VAT1: variants seen among roughly 807,000 people sequenced by gnomAD.
The protein encoded by VAT1 is NADPH-dependent quinone oxidoreductase VAT1.
A neutral mutation model predicts 33.3 loss-of-function variants in VAT1; 24 were observed. That is an observed-to-expected ratio of 0.72 (90% CI 0.52 to 1.01). The LOEUF (loss-of-function observed/expected upper bound fraction) is 1.01. Among genes scored for constraint, VAT1 ranks in the 50% least tolerant of loss-of-function variants. VAT1 has a pLI of 0.00. For missense variants in VAT1, 436 were observed against 533.7 expected, an observed-to-expected ratio of 0.82 and a Z score of 1.80; for synonymous variants, 212 against 225.0, an observed-to-expected ratio of 0.94 and a Z score of 0.52.
rs1474111617 is a variant in VAT1, at chr17:43,018,536, G to C, written c.595+56C>G. On this transcript the variant is annotated intron_variant, in intron 2 of 5. Coordinates refer to ENST00000355653, the MANE Select transcript of VAT1 (RefSeq NM_006373.4). ...CAACCCAGACAGGCTGCAGGGAAGG[G>C]GCCTGGAAGGAAATCTGGGTGGGGT... 3.8e-6 allele frequency: 6 copies of C among 1,586,706 alleles called. No homozygotes were observed. The Admixed American group carries it at 5.1e-5, about 14-fold the overall frequency.
Position 43,017,826 on chromosome 17 carries a change from G to C in VAT1, c.856+15C>G, listed in dbSNP as rs745857863. ...GCCCTCACATGCTCTCTCCATCCCTGGCCCACTAACTCACCATAGGTGACG... is the reference window on the plus strand; with the variant it reads ...GCCCTCACATGCTCTCTCCATCCCTCGCCCACTAACTCACCATAGGTGACG... On this transcript the variant is annotated intron_variant, in intron 4 of 5. Transcript: ENST00000355653. 1 of 1,613,204 alleles carries C rather than the reference G, an allele frequency of 6.2e-7. No individual in the cohort carries two copies. Among genetic ancestry groups the C allele is most frequent in the South Asian group, 1.1e-5 (1 of 91,070 alleles).
rs113882929 is a variant in VAT1, at chr17:43,017,786, T to C, written c.856+55A>G. On this transcript the variant is annotated intron_variant, in intron 4 of 5. Coordinates refer to ENST00000355653, the MANE Select transcript of VAT1 (RefSeq NM_006373.4). ...GCCCTGGCCTCTATATCCCACCCCTTAGACCCTCCCTCCTGCCCTCACATG... is the reference window on the plus strand; with the variant it reads ...GCCCTGGCCTCTATATCCCACCCCTCAGACCCTCCCTCCTGCCCTCACATG... The C allele has an allele frequency of 6.6e-4, 1,029 of 1,561,656 alleles. 12 individuals carry two copies. In the African/African-American group the frequency reaches 0.012, roughly 18 times the overall value.
intron 4 of VAT1, 129 bp downstream of exon 4, chr17:43,017,712 C>T (rs1284343698): frequency 1.3e-6 from 1 of 756,864 alleles, no homozygotes; most frequent in South Asian, 1.7e-5. Flanking sequence ...CATTCCTAAC[C>T]CTGATCGTCT....
At chr17:43,019,417 A>C (rs1347125231) in intron 1 of VAT1, 1 of 152,726 alleles carries the variant, frequency 6.5e-6, no homozygotes, top group Non-Finnish European at 1.5e-5. Context: ...AAGTCACACA[A>C]CCAAAAGAAG....
At chr17:43,020,385 T>C in intron 1 of VAT1, 1 of 724,682 alleles carries the variant, frequency 1.4e-6, no homozygotes. Flanking sequence ...CCGAAAATAT[T>C]CCTCTTAGAC....
intron 2 of VAT1, 71 bp from the exon 3 acceptor site, chr17:43,018,277 C>T (rs899736311): frequency 6.6e-7 from 1 of 1,520,982 alleles, no homozygotes; most frequent in Non-Finnish European, 8.9e-7. Context: ...TCTAGCCTCC[C>T]AGGGACTCAG....
At position 43,016,439 on chromosome 17, in the gene VAT1, A is replaced by C; in HGVS notation, c.966T>G (p.Ala322=). The C allele has an allele frequency of 6.2e-7, 1 of 1,614,200 alleles. No individual in the cohort carries two copies. Among genetic ancestry groups the C allele is most frequent in the African/African-American group, 1.3e-5 (1 of 75,052 alleles). The change falls in exon 5 of 6, where the codon GCT becomes GCG. Residue 322 remains alanine (A), a synonymous_variant. Transcript: ENST00000355653. ...TALQLLQANR[A]VCGFHLGYLD... ...GGTAGCCCAGGTGGAAGCCACACAC[A>C]GCCCGGTTGGCCTGCAGCAGCTGCA...
chr17:43,016,685 T>G, intron 4 of VAT1, 137 bp from the exon 5 acceptor site: 1 of 1,382,882 alleles, frequency 7.2e-7, no homozygotes, highest in East Asian at 2.5e-5. Flanking sequence ...ATTCTCAAAC[T>G]GCTGGTTACC....
rs982115407 is a variant in VAT1 at position 43,022,357 on chromosome 17, G to A, written c.-35C>T. 6.6e-7 allele frequency: 1 copy of A among 1,525,966 alleles called. No homozygotes were observed. The highest frequency in any genetic ancestry group is 1.4e-5 in the African/African-American group (1 of 72,096). 94.5% of individuals were successfully genotyped at this position (1,525,966 alleles called of 1,614,324 possible). Reference sequence around the variant, plus strand: ...TCCCGACGAGAGCGCACAGCTGGATGGAGAGTGCACAGCTGGGGAAGGCGG... The same window carrying A: ...TCCCGACGAGAGCGCACAGCTGGATAGAGAGTGCACAGCTGGGGAAGGCGG... On this transcript the variant is annotated 5_prime_UTR_variant, in exon 1 of 6. Transcript: ENST00000355653.
At chr17:43,020,586 G>C (rs188763567) in intron 1 of VAT1, among the ~76,000 whole-genome samples, 5 of 152,206 alleles carry the variant, frequency 3.3e-5, no homozygotes, top group African/African-American at 1.2e-4. Flanking sequence ...GATTTAAAAA[G>C]GAAACTCCTG....
At chr17:43,021,194 C>T (rs948094452) in intron 1 of VAT1, among the ~76,000 whole-genome samples, 4 of 152,198 alleles carry the variant, frequency 2.6e-5, no homozygotes, top group Admixed American at 6.5e-5. Context: ...AGGGCAGCCC[C>T]GGGTCGTGGC....
chr17:43,020,416 A>C (rs1187140129), intron 1 of VAT1: 1 of 468,286 alleles, frequency 2.1e-6, no homozygotes, highest in African/African-American at 2.1e-5. Flanking sequence ...GAGTGGGATC[A>C]TTTAGAAGTC....
intron 1 of VAT1, chr17:43,020,365 C>T: frequency 1.2e-6 from 1 of 855,572 alleles, no homozygotes; most frequent in Non-Finnish European, 1.4e-6. Context: ...ACATGAACTA[C>T]AACTACCTCC....
Position 43,018,713 on chromosome 17 carries a change from A to AG in VAT1, c.473dup (p.Glu159Ter). On this transcript the variant is annotated frameshift_variant, in exon 2 of 6. Coordinates refer to ENST00000355653, the MANE Select transcript of VAT1 (RefSeq NM_006373.4). LOFTEE classifies it high-confidence loss of function. ...CAGCTTCCTCAAAGGTCATGGCCTC[A>AG]GGAATCAGGAAGGTCTGGACCGAGG... 1 of 1,614,146 alleles carries AG rather than the reference A, an allele frequency of 6.2e-7. No homozygotes were observed. Among genetic ancestry groups the AG allele is most frequent in the African/African-American group, 1.3e-5 (1 of 75,028 alleles).
intron 1 of VAT1, among the ~76,000 whole-genome samples, chr17:43,021,153 C>T (rs930045907): frequency 6.6e-6 from 1 of 152,208 alleles, no homozygotes; most frequent in South Asian, 2.1e-4. Context: ...AGGTGGGTCC[C>T]CCCTTCCACT....
chr17:43,017,766 G>A (rs2050532579), intron 4 of VAT1, 75 bp downstream of exon 4: 2 of 1,395,220 alleles, frequency 1.4e-6, no homozygotes, highest in African/African-American at 1.4e-5. Context: ...CAAAAGCCCT[G>A]GCCTCTATAT....
At chr17:43,018,561 T>C in intron 2 of VAT1, 31 bp downstream of exon 2, 1 of 1,609,216 alleles carries the variant, frequency 6.2e-7, no homozygotes, top group East Asian at 2.2e-5. Flanking sequence ...CTGGGTGGGG[T>C]AAGGGGTGAT....
rs1196448344 is a variant in VAT1, at chr17:43,014,954, A to T, written c.*1107T>A. The stretch of plus-strand genomic sequence containing the variant: ...AGCTGCCTCTCTGCTTTGAGAAGGC[A>T]GTAGGGCCTCCCCTAACTGCAAGGG... On this transcript the variant is annotated 3_prime_UTR_variant, in exon 6 of 6. Transcript: ENST00000355653. 6.5e-6 allele frequency: 1 copy of T among 152,708 alleles called. No individual in the cohort carries two copies. Among genetic ancestry groups the T allele is most frequent in the Non-Finnish European group, 1.5e-5 (1 of 68,092 alleles). The allele number at this position is 152,708 out of a possible 1,614,324, so 9.5% of individuals were successfully genotyped here.
Position 43,015,465 on chromosome 17 carries a change from G to T in VAT1, c.*596C>A, listed in dbSNP as rs943245226. The stretch of plus-strand genomic sequence containing the variant: ...AGTAGGTCTGATTCCCGCCCTGTTG[G>T]AAGAGGCAGCCTTGGTTAAGAATGG... On this transcript the variant is annotated 3_prime_UTR_variant, in exon 6 of 6. Transcript: ENST00000355653. 2 of 155,750 alleles carry T rather than the reference G, an allele frequency of 1.3e-5. No individual in the cohort carries two copies. Among genetic ancestry groups the T allele is most frequent in the African/African-American group, 4.8e-5 (2 of 41,446 alleles). 9.6% of individuals were successfully genotyped at this position (155,750 alleles called of 1,614,324 possible).
Sources: allele counts gnomAD v4.1 joint callset (sites outside exome capture counted in the v4.1 genomes callset), GRCh38; gene constraint gnomAD v4.1.1; transcripts MANE v1.5; gene names NCBI Gene and HGNC (gene_info 2026-07-23, HGNC 2026-07-21).